The following ZBTB11 variants were observed in gnomAD, a reference collection of about 807,000 sequenced individuals.
The protein encoded by ZBTB11 is zinc finger and BTB domain-containing protein 11.
ZBTB11 carries 68 observed loss-of-function variants against 113.1 expected under a neutral mutation model. The ratio of observed to expected loss-of-function variants is 0.60; its 90% CI spans 0.49 to 0.74. The LOEUF (loss-of-function observed/expected upper bound fraction) is 0.74, where lower values mean the gene tolerates loss of function less well. ZBTB11 is among the 30% of genes least tolerant of loss of function. The pLI, the probability that ZBTB11 is intolerant of heterozygous loss-of-function variation, is 0.00. For missense variants in ZBTB11, 1,104 were observed against 1,279.4 expected, an observed-to-expected ratio of 0.86 and a Z score of 2.09; for synonymous variants, 518 against 452.6, an observed-to-expected ratio of 1.14 and a Z score of -1.83.
At position 101,677,079 on chromosome 3, in the gene ZBTB11, G is replaced by C. The variant is rs1009906532; in HGVS notation, c.-165C>G. The C allele has an allele frequency of 1.3e-6, 1 of 766,148 alleles. No individual in the cohort carries two copies. Among genetic ancestry groups the C allele is most frequent in the Non-Finnish European group, 2.0e-6 (1 of 508,166 alleles). 47.5% of individuals were successfully genotyped at this position (766,148 alleles called of 1,614,324 possible). ...CTTAGTCCGAAGGAAAAGCGGGCGA[G>C]TTGGTAACCAGGGGGAACTGCACTT... On this transcript the variant is annotated 5_prime_UTR_variant, in exon 1 of 11. Coordinates refer to ENST00000312938, the MANE Select transcript of ZBTB11 (RefSeq NM_014415.4).
At chr3:101,652,078 A>T (rs551181297) in intron 10 of ZBTB11, among the ~76,000 whole-genome samples, 1 of 152,090 alleles carries the variant, frequency 6.6e-6, no homozygotes, top group African/African-American at 2.4e-5. Flanking sequence ...GCAGTGAGCC[A>T]GGATCGCGTC....
At position 101,652,537 on chromosome 3, in the gene ZBTB11, G is replaced by GTT; in HGVS notation, c.2602_2603insAA (p.Thr868LysfsTer4). 1 of 1,614,162 alleles carries GTT rather than the reference G, an allele frequency of 6.2e-7. No individual in the cohort carries two copies. Among genetic ancestry groups the GTT allele is most frequent in the Non-Finnish European group, 8.5e-7 (1 of 1,180,014 alleles). On this transcript the variant is annotated frameshift_variant, in exon 10 of 11. Coordinates refer to ENST00000312938, the MANE Select transcript of ZBTB11 (RefSeq NM_014415.4). LOFTEE classifies it high-confidence loss of function. ...GTGTCTCCTATACTCTCTTAGCTGA[G>GTT]TGAATTTTCTTCCACATTTTTCACA...
rs1054031162 is a variant in ZBTB11, at chr3:101,677,065, G to A, written c.-151C>T. 3.0e-5 allele frequency: 26 copies of A among 860,654 alleles called. No homozygotes were observed. Among genetic ancestry groups the A allele is most frequent in the Middle Eastern group, 7.3e-4 (2 of 2,722 alleles). 53.3% of individuals were successfully genotyped at this position (860,654 alleles called of 1,614,324 possible). On this transcript the variant is annotated 5_prime_UTR_variant, in exon 1 of 11. Coordinates refer to ENST00000312938, the MANE Select transcript of ZBTB11 (RefSeq NM_014415.4). ...TCTTCGACGGCTCCCTTAGTCCGAAGGAAAAGCGGGCGAGTTGGTAACCAG... is the reference window on the plus strand; with the variant it reads ...TCTTCGACGGCTCCCTTAGTCCGAAAGAAAAGCGGGCGAGTTGGTAACCAG...
chr3:101,673,566 T>G (rs577649167), intron 1 of ZBTB11, among the ~76,000 whole-genome samples: 1 of 151,498 alleles, frequency 6.6e-6, no homozygotes, highest in African/African-American at 2.4e-5. Context: ...CAGGCTGGAG[T>G]GCAGTGGTGG....
At chr3:101,668,359 G>A (rs1937029726) in intron 3 of ZBTB11, among the ~76,000 whole-genome samples, 1 of 152,118 alleles carries the variant, frequency 6.6e-6, no homozygotes, top group Non-Finnish European at 1.5e-5. Flanking sequence ...AAGAAGCCTG[G>A]CACAGTGGCT....
chr3:101,672,315 G>A, intron 1 of ZBTB11, 102 bp from the exon 2 acceptor site: 1 of 725,342 alleles, frequency 1.4e-6, no homozygotes, highest in Non-Finnish European at 2.3e-6. Flanking sequence ...CATATGTGCA[G>A]ACATTCATGT....
chr3:101,670,190 G>A (rs1397134319), intron 3 of ZBTB11, among the ~76,000 whole-genome samples: 1 of 152,020 alleles, frequency 6.6e-6, no homozygotes, highest in South Asian at 2.1e-4. Flanking sequence ...TCCCAGAAGA[G>A]GTAGGACTAA....
rs1263199076 is a variant in ZBTB11 at position 101,665,132 on chromosome 3, T to C, written c.1455A>G (p.Glu485=). Residue 485 remains glutamate (E), a synonymous_variant, in exon 4 of 11, where the codon GAA becomes GAG. Coordinates refer to ENST00000312938, the MANE Select transcript of ZBTB11 (RefSeq NM_014415.4). ...QKVDQPLKDQ[E]NLVASTAKTD... Reference sequence around the variant, plus strand: ...TCTTTGCTGTTGATGCAACTAGATTTTCCTGATCTTTTAAAGGTTGGTCAA... The same window carrying C: ...TCTTTGCTGTTGATGCAACTAGATTCTCCTGATCTTTTAAAGGTTGGTCAA... The C allele has an allele frequency of 1.2e-6, 2 of 1,614,176 alleles. No homozygotes were observed. The highest frequency in any genetic ancestry group is 1.7e-6 in the Non-Finnish European group (2 of 1,180,024).
intron 1 of ZBTB11, among the ~76,000 whole-genome samples, chr3:101,673,453 A>C (rs1453021353): frequency 6.6e-6 from 1 of 152,152 alleles, no homozygotes; most frequent in Admixed American, 6.6e-5. Context: ...AAAATGATAG[A>C]GGTATGGTAT....
intron 1 of ZBTB11, among the ~76,000 whole-genome samples, chr3:101,674,397 G>A (rs1201363777): frequency 6.6e-6 from 1 of 152,142 alleles, no homozygotes; most frequent in Non-Finnish European, 1.5e-5. Flanking sequence ...ATTTATATGA[G>A]TGTAGATTTA....
chr3:101,658,590 C>T (rs2108318404), intron 6 of ZBTB11, among the ~76,000 whole-genome samples: 1 of 152,152 alleles, frequency 6.6e-6, no homozygotes, highest in Admixed American at 6.5e-5. Flanking sequence ...GTGGTGCCAC[C>T]TCGGCTCACG....
At chr3:101,666,899 C>T (rs1454216805) in intron 3 of ZBTB11, among the ~76,000 whole-genome samples, 2 of 152,076 alleles carry the variant, frequency 1.3e-5, no homozygotes, top group Non-Finnish European at 2.9e-5. Context: ...TACAGGCACA[C>T]GCCACCATGC....
At chr3:101,670,887 T>G (rs546991588) in intron 3 of ZBTB11, 1 of 442,904 alleles carries the variant, frequency 2.3e-6, no homozygotes, top group East Asian at 3.4e-5. Flanking sequence ...ACAGTTTAAA[T>G]CCTAGAAATT....
intron 7 of ZBTB11, among the ~76,000 whole-genome samples, chr3:101,655,469 C>CA (rs1266182062): frequency 6.6e-6 from 1 of 151,924 alleles, no homozygotes; most frequent in African/African-American, 2.4e-5. Context: ...TATGTATGGA[C>CA]AAAAAAATAT....
chr3:101,668,521 C>CG (rs982306258), intron 3 of ZBTB11, among the ~76,000 whole-genome samples: 2 of 151,290 alleles, frequency 1.3e-5, no homozygotes, highest in African/African-American at 4.9e-5. Flanking sequence ...CCCACCTACA[C>CG]GGGAGGCCAA....
At chr3:101,660,236 A>T (rs948869050) in intron 5 of ZBTB11, among the ~76,000 whole-genome samples, 7 of 152,192 alleles carry the variant, frequency 4.6e-5, no homozygotes, top group Non-Finnish European at 4.4e-5. Flanking sequence ...ACAGCACAAT[A>T]TTTATATCAA....
intron 1 of ZBTB11, among the ~76,000 whole-genome samples, chr3:101,672,732 A>T (rs1367362848): frequency 2.0e-5 from 3 of 152,192 alleles, no homozygotes; most frequent in African/African-American, 7.2e-5. Flanking sequence ...AAAACCAAAC[A>T]AATTAACAAT....
intron 4 of ZBTB11, 82 bp from the exon 5 acceptor site, chr3:101,664,796 A>G: frequency 6.0e-6 from 9 of 1,492,096 alleles, no homozygotes; most frequent in Non-Finnish European, 8.1e-6. Context: ...TCTAACAAAA[A>G]GATTTCAAAT....
At chr3:101,658,641 A>G (rs1576645879) in intron 6 of ZBTB11, among the ~76,000 whole-genome samples, 1 of 152,128 alleles carries the variant, frequency 6.6e-6, no homozygotes, top group East Asian at 1.9e-4. Context: ...GGAGACCACT[A>G]CTCTAAATGA....
Sources: allele counts gnomAD v4.1 joint callset (sites outside exome capture counted in the v4.1 genomes callset), GRCh38; gene constraint gnomAD v4.1.1; transcripts MANE v1.5; gene names NCBI Gene and HGNC (gene_info 2026-07-23, HGNC 2026-07-21).